STX8: variants seen among roughly 807,000 people sequenced by gnomAD.
STX8 encodes syntaxin 8, also known as syntaxin-8.
A neutral mutation model predicts 37.5 loss-of-function variants in STX8; 23 were observed. The observed-to-expected ratio is 0.61, with a 90% CI of 0.44 to 0.87. STX8 has a LOEUF of 0.87. Ranked by LOEUF, STX8 falls within the 40% of genes least tolerant of loss-of-function variation. The pLI is 0.00. For missense variants in STX8, 313 were observed against 284.7 expected, an observed-to-expected ratio of 1.10 and a Z score of -0.71; for synonymous variants, 115 against 99.1, an observed-to-expected ratio of 1.16 and a Z score of -0.95.
chr17:9,549,612 A>C (rs1221087369), intron 3 of STX8, among the ~76,000 whole-genome samples: 1 of 152,236 alleles, frequency 6.6e-6, no homozygotes, highest in Non-Finnish European at 1.5e-5. Context: ...GGGAGTACGA[A>C]TTCAGAATAT....
intron 7 of STX8, among the ~76,000 whole-genome samples, chr17:9,288,955 A>G (rs1258831783): frequency 6.6e-6 from 1 of 152,144 alleles, no homozygotes; most frequent in African/African-American, 2.4e-5. Flanking sequence ...ACCCAACACA[A>G]TAACGGGGGT....
intron 6 of STX8, among the ~76,000 whole-genome samples, chr17:9,441,434 G>A (rs192499540): frequency 2.7e-5 from 4 of 147,176 alleles, no homozygotes; most frequent in Non-Finnish European, 5.9e-5. Context: ...AGGTGGCAGT[G>A]AGCCGATGTT....
At chr17:9,444,165 C>CTCTT (rs1410656362) in intron 6 of STX8, among the ~76,000 whole-genome samples, 1 of 139,628 alleles carries the variant, frequency 7.2e-6, no homozygotes. Flanking sequence ...CTCTCTCTCT[C>CTCTT]CTTTATAGAG....
At chr17:9,410,859 T>C (rs78829971) in intron 6 of STX8, among the ~76,000 whole-genome samples, 4,050 of 152,320 alleles carry the variant, frequency 0.027, 162 homozygotes, top group African/African-American at 0.087. Context: ...GCAAAACTTA[T>C]GTGTACAGTT....
At chr17:9,532,453 T>C (rs1477230904) in intron 4 of STX8, among the ~76,000 whole-genome samples, 3 of 152,142 alleles carry the variant, frequency 2.0e-5, no homozygotes, top group African/African-American at 7.2e-5. Flanking sequence ...GGCCCGTGCA[T>C]GTATCCTTGG....
chr17:9,527,608 G>A (rs1905630056), intron 4 of STX8, among the ~76,000 whole-genome samples: 1 of 152,090 alleles, frequency 6.6e-6, no homozygotes, highest in Non-Finnish European at 1.5e-5. Context: ...GGCAAAGAAT[G>A]TTTTTATTTT....
intron 7 of STX8, among the ~76,000 whole-genome samples, chr17:9,372,236 C>G (rs942243243): frequency 3.3e-5 from 5 of 152,026 alleles, no homozygotes; most frequent in African/African-American, 9.7e-5. Flanking sequence ...TTTTCTTCTC[C>G]TATTCTGCTC....
chr17:9,359,503 A>ATTTTTT (rs145808683), intron 7 of STX8, among the ~76,000 whole-genome samples: 2 of 91,742 alleles, frequency 2.2e-5, no homozygotes, highest in African/African-American at 8.8e-5. Context: ...GCTGAGACAT[A>ATTTTTT]TTTTTTTTTT....
chr17:9,426,114 G>A (rs929977839), intron 6 of STX8, among the ~76,000 whole-genome samples: 8 of 152,130 alleles, frequency 5.3e-5, no homozygotes, highest in East Asian at 1.9e-4. Flanking sequence ...GAATTTCAAC[G>A]TTTTGAAGGA....
chr17:9,539,056 A>G (rs1235968776), intron 4 of STX8, among the ~76,000 whole-genome samples: 1 of 152,356 alleles, frequency 6.6e-6, no homozygotes, highest in East Asian at 1.9e-4. Context: ...AAATTAGTCA[A>G]CCATTGCTTA....
intron 6 of STX8, among the ~76,000 whole-genome samples, chr17:9,445,527 G>GGGAGGGGGTTGGGGGGGTGGT (rs1413088697): frequency 7.3e-6 from 1 of 137,574 alleles, no homozygotes; most frequent in Non-Finnish European, 1.6e-5. Flanking sequence ...TGGGGGGTGG[G>GGGAGGGGGTTGGGGGGGTGGT]GGTGAGGGCT....
chr17:9,402,102 A>G (rs1200919742), intron 6 of STX8, among the ~76,000 whole-genome samples: 2 of 66,102 alleles, frequency 3.0e-5, no homozygotes, highest in African/African-American at 1.1e-4. Context: ...TATTTTGTTT[A>G]TTTATTTATT....
chr17:9,415,572 A>G (rs1033277552), intron 6 of STX8, among the ~76,000 whole-genome samples: 1 of 152,046 alleles, frequency 6.6e-6, no homozygotes, highest in African/African-American at 2.4e-5. Flanking sequence ...GAGATTGAGC[A>G]TCCTGGTTAA....
At chr17:9,307,939 A>G (rs1909058125) in intron 7 of STX8, among the ~76,000 whole-genome samples, 1 of 152,132 alleles carries the variant, frequency 6.6e-6, no homozygotes, top group Admixed American at 6.6e-5. Flanking sequence ...CCTCATTCCA[A>G]AGGGTTTCTG....
At chr17:9,345,146 C>G (rs542867746) in intron 7 of STX8, among the ~76,000 whole-genome samples, 14 of 151,746 alleles carry the variant, frequency 9.2e-5, no homozygotes, top group African/African-American at 3.4e-4. Flanking sequence ...ACACAGCTCT[C>G]ATTTTCTTTC....
intron 6 of STX8, among the ~76,000 whole-genome samples, chr17:9,381,741 C>T (rs541555154): frequency 6.6e-6 from 1 of 152,254 alleles, no homozygotes; most frequent in South Asian, 2.1e-4. Context: ...GAGGCCGAGG[C>T]GGGCGGATCA....
At chr17:9,426,828 A>G (rs1913648622) in intron 6 of STX8, among the ~76,000 whole-genome samples, 1 of 152,194 alleles carries the variant, frequency 6.6e-6, no homozygotes, top group East Asian at 1.9e-4. Flanking sequence ...GAGGTTTTAC[A>G]CTGAGCAAAC....
chr17:9,548,131 G>A (rs1202802355), intron 3 of STX8, among the ~76,000 whole-genome samples: 1 of 150,992 alleles, frequency 6.6e-6, no homozygotes, highest in Non-Finnish European at 1.5e-5. Flanking sequence ...TTGAGACAGT[G>A]TCTCCCTCTG....
In STX8 at chr17:9,505,062, G is replaced by T. The variant is rs965528594; in HGVS notation, c.424C>A (p.Gln142Lys). The change falls in exon 5 of 8, where the codon CAA (glutamine) becomes AAA (lysine). Residue 142 changes from glutamine to lysine, a missense_variant. Coordinates refer to ENST00000306357, the MANE Select transcript of STX8 (RefSeq NM_004853.3). Reference sequence around the variant, plus strand: ...CCTTGGATAATTTTCTGCTGCTGTTGCCGGATTTCATCAAAACCCAAGCCT... The same window carrying T: ...CCTTGGATAATTTTCTGCTGCTGTTTCCGGATTTCATCAAAACCCAAGCCT... The part of the protein sequence containing the change: ...TRGLGFDEIR[Q>K]QQQKIIQEQD... The T allele has an allele frequency of 6.2e-7, 1 of 1,610,622 alleles. No homozygotes were observed. The highest frequency in any genetic ancestry group is 1.3e-5 in the African/African-American group (1 of 74,284).
Sources: gnomAD v4.1 joint callset for allele counts (sites outside exome capture counted in the v4.1 genomes callset) on GRCh38, gnomAD v4.1.1 for gene constraint, MANE v1.5 for transcripts, NCBI Gene and HGNC (gene_info 2026-07-23, HGNC 2026-07-21) for gene names.